The following HDAC4 variants were observed in gnomAD, a reference collection of about 807,000 sequenced individuals.
HDAC4 encodes the protein histone deacetylase 4, also known as histone deacetylase A.
In HDAC4, 16 loss-of-function variants were observed where a neutral mutation model predicts 135.1. The observed-to-expected ratio is 0.12, with a 90% CI of 0.08 to 0.18. The LOEUF (loss-of-function observed/expected upper bound fraction) is 0.18, where lower values mean the gene tolerates loss of function less well. Among genes scored for constraint, HDAC4 ranks in the 10% least tolerant of loss-of-function variants. HDAC4 has a pLI of 1.00. For synonymous variants in HDAC4, 685 were observed against 653.4 expected, an observed-to-expected ratio of 1.05 and a Z score of -0.74; for missense variants, 1,143 against 1,511.8, an observed-to-expected ratio of 0.76 and a Z score of 4.05.
intron 2 of HDAC4, among the ~76,000 whole-genome samples, chr2:239,260,620 G>A (rs374823785): frequency 9.2e-5 from 14 of 152,144 alleles, no homozygotes; most frequent in East Asian, 5.8e-4. Flanking sequence ...TGGGAGTACC[G>A]CTTCTCTGTG....
intron 12 of HDAC4, among the ~76,000 whole-genome samples, chr2:239,118,571 C>T (rs2039351891): frequency 6.6e-6 from 1 of 152,170 alleles, no homozygotes; most frequent in Non-Finnish European, 1.5e-5. Context: ...ACCTGATGCA[C>T]AGTTTGGTGG....
At chr2:239,172,307 T>G (rs1488230871) in intron 5 of HDAC4, among the ~76,000 whole-genome samples, 2 of 135,776 alleles carry the variant, frequency 1.5e-5, no homozygotes, top group Admixed American at 1.4e-4. Context: ...TATATATATA[T>G]ATATATATAT....
At chr2:239,204,666 G>T (rs1015129470) in intron 3 of HDAC4, among the ~76,000 whole-genome samples, 11 of 152,178 alleles carry the variant, frequency 7.2e-5, no homozygotes, top group African/African-American at 2.7e-4. Flanking sequence ...GATGGACCAG[G>T]CGTCCCGGGC....
At position 239,262,178 on chromosome 2, in the gene HDAC4, C is replaced by G. The variant is rs182637113; in HGVS notation, c.23-25514G>C. Among the ~76,000 whole-genome samples, 3 of 152,170 alleles carry G rather than the reference C, an allele frequency of 2.0e-5. No individual in the cohort carries two copies. In the East Asian group the frequency reaches 5.8e-4, roughly 29 times the overall value. On this transcript the variant is annotated intron_variant, in intron 2 of 26. Transcript: ENST00000543185. This position sits in a 1 kb window ranked among gnomAD's most constrained non-coding sequence, Gnocchi z 4.1. ...AGGAGCCACGGTCCACTGAGACCCACGACAAGGTATCCACGTGGCTTTTTA... is the reference window on the plus strand; with the variant it reads ...AGGAGCCACGGTCCACTGAGACCCAGGACAAGGTATCCACGTGGCTTTTTA...
chr2:239,294,818 G>C (rs1393331403), intron 2 of HDAC4, among the ~76,000 whole-genome samples: 3 of 152,158 alleles, frequency 2.0e-5, no homozygotes, highest in Non-Finnish European at 4.4e-5. Context: ...TCAGGGTCAT[G>C]TGAGCACCAT....
intron 2 of HDAC4, among the ~76,000 whole-genome samples, chr2:239,238,633 A>G (rs1019111218): frequency 3.9e-5 from 6 of 152,232 alleles, no homozygotes; most frequent in Admixed American, 2.6e-4. Flanking sequence ...CCCAGCTCAC[A>G]TGAAGCCCTT....
At position 239,101,436 on chromosome 2, in the gene HDAC4, C is replaced by A. The variant is rs137876406; in HGVS notation, c.2233+1340G>T. ...CAGGTCTCTGTGAGGCTGAGTCTGC[C>A]GGGCACAGGCCTGGCACGGAGGACA... On this transcript the variant is annotated intron_variant, in intron 16 of 26. Transcript: ENST00000543185. Among the ~76,000 whole-genome samples the A allele has an allele frequency of 1.6e-3, 250 of 152,268 alleles. 1 individual carries two copies. The highest frequency in any genetic ancestry group is 5.8e-3 in the African/African-American group (239 of 41,560).
chr2:239,048,672 A>T lies in HDAC4; in HGVS notation c.*4425T>A, dbSNP rs918381402. The T allele has an allele frequency of 6.6e-6, 1 of 152,226 alleles. No individual in the cohort carries two copies. Among genetic ancestry groups the T allele is most frequent in the Non-Finnish European group, 1.5e-5 (1 of 68,040 alleles). 9.4% of individuals were successfully genotyped at this position (152,226 alleles called of 1,614,324 possible). A position where few individuals can be genotyped will look rare whatever the true frequency, so the allele number is the denominator to read the frequency against. On this transcript the variant is annotated 3_prime_UTR_variant, in exon 27 of 27. Coordinates refer to ENST00000543185, the MANE Select transcript of HDAC4 (RefSeq NM_001378414.1). ...CACACACGGCAAAAAAAACAAACAAAAACTGTTCGCTTTCTTTTTCTTTCA... is the reference window on the plus strand; with the variant it reads ...CACACACGGCAAAAAAAACAAACAATAACTGTTCGCTTTCTTTTTCTTTCA...
rs146910085 is a variant in HDAC4, at chr2:239,346,555, T to TCACA, written c.22+6119_22+6122dup. ...CACCCTAAAACACACAAACACACCT[T>TCACA]CACACACACACACACACACACAGAC... On this transcript the variant is annotated intron_variant, in intron 2 of 26. Coordinates refer to ENST00000543185, the MANE Select transcript of HDAC4 (RefSeq NM_001378414.1). 5.9e-3 allele frequency among the ~76,000 whole-genome samples: 508 copies of TCACA among 86,070 alleles called. 4 individuals carry two copies. Among genetic ancestry groups the TCACA allele is most frequent in the African/African-American group, 0.011 (353 of 30,714 alleles). The allele number at this position is 86,070 out of a possible 152,430, so 56.5% of individuals were successfully genotyped here.
chr2:239,056,713 C>T (rs1034709305), intron 24 of HDAC4, among the ~76,000 whole-genome samples: 8 of 152,372 alleles, frequency 5.3e-5, no homozygotes, highest in Middle Eastern at 3.4e-3. Context: ...GTGCACTGCA[C>T]TGTGACTTTC....
chr2:239,170,345 T>A (rs563599194), intron 5 of HDAC4, among the ~76,000 whole-genome samples: 1 of 152,238 alleles, frequency 6.6e-6, no homozygotes. Context: ...AAACTGAATT[T>A]ACTTAATAGT....
intron 12 of HDAC4, among the ~76,000 whole-genome samples, chr2:239,118,067 C>T (rs1467628263): frequency 6.6e-6 from 1 of 152,158 alleles, no homozygotes; most frequent in Non-Finnish European, 1.5e-5. Context: ...TATCAGACGA[C>T]ACCGGTCCCC....
chr2:239,216,076 G>A (rs569631936), intron 3 of HDAC4, among the ~76,000 whole-genome samples: 34 of 152,082 alleles, frequency 2.2e-4, no homozygotes, highest in African/African-American at 7.2e-4. Context: ...ATATGTACAT[G>A]TGCTTACATT....
At position 239,262,598 on chromosome 2, in the gene HDAC4, C is replaced by A. The variant is rs2049437782; in HGVS notation, c.23-25934G>T. 6.6e-6 allele frequency among the ~76,000 whole-genome samples: 1 copy of A among 152,200 alleles called. No homozygotes were observed. Among genetic ancestry groups the A allele is most frequent in the African/African-American group, 2.4e-5 (1 of 41,446 alleles). On this transcript the variant is annotated intron_variant, in intron 2 of 26. Coordinates refer to ENST00000543185, the MANE Select transcript of HDAC4 (RefSeq NM_001378414.1). The surrounding 1 kb of genome is among the most constrained non-coding windows in gnomAD (Gnocchi z 4.1). ...GGCTCTGACACTCTTGGCCAAATGT[C>A]CCCATCCTCAGCCTGGCTCCATTTT... is the stretch of plus-strand genomic sequence containing the variant.
intron 2 of HDAC4, among the ~76,000 whole-genome samples, chr2:239,279,746 A>T (rs1397927999): frequency 6.6e-6 from 1 of 152,214 alleles, no homozygotes; most frequent in Non-Finnish European, 1.5e-5. Flanking sequence ...CGCAGGGGGC[A>T]TGGGATGGGG....
intron 24 of HDAC4, 84 bp downstream of exon 24, chr2:239,066,638 T>G: frequency 6.3e-7 from 1 of 1,597,872 alleles, no homozygotes; most frequent in Non-Finnish European, 8.6e-7. Context: ...GGCTTTTTCA[T>G]GCTCTGGGGC....
intron 11 of HDAC4, among the ~76,000 whole-genome samples, chr2:239,129,279 C>A (rs1311819204): frequency 1.3e-5 from 2 of 152,232 alleles, no homozygotes; most frequent in Non-Finnish European, 2.9e-5. Context: ...TATTTGCTGG[C>A]AGGGTGGTTT....
At chr2:239,149,660 C>T (rs935623705) in intron 7 of HDAC4, among the ~76,000 whole-genome samples, 1 of 152,264 alleles carries the variant, frequency 6.6e-6, no homozygotes, top group African/African-American at 2.4e-5. Flanking sequence ...GCCCCGCTGC[C>T]CAGCTCCGGG....
intron 24 of HDAC4, among the ~76,000 whole-genome samples, chr2:239,063,752 A>AT (rs1302574243): frequency 5.3e-5 from 8 of 151,902 alleles, no homozygotes; most frequent in African/African-American, 1.9e-4. Context: ...GCTCTCACTG[A>AT]CCCCCAGGGT....
Sources: allele counts gnomAD v4.1 joint callset (sites outside exome capture counted in the v4.1 genomes callset), GRCh38; gene constraint gnomAD v4.1.1; non-coding constraint Gnocchi (gnomAD v3.1); transcripts MANE v1.5; gene names NCBI Gene and HGNC (gene_info 2026-07-23, HGNC 2026-07-21).